The following NCOA6 variants were observed in gnomAD, a reference collection of about 807,000 sequenced individuals.
NCOA6 encodes NRC RAP250.
In NCOA6, 49 loss-of-function variants were observed where a neutral mutation model predicts 171.4. The observed-to-expected ratio is 0.29, with a 90% CI of 0.23 to 0.36. NCOA6 has a LOEUF of 0.36. Among genes scored for constraint, NCOA6 ranks in the 10% least tolerant of loss-of-function variants. The probability of loss-of-function intolerance (pLI) is 1.00; values close to 1 mark genes in which losing one functional copy is unlikely to be tolerated. For missense variants in NCOA6, 2,248 were observed against 2,554.5 expected (o/e 0.88, Z 2.59); for synonymous variants, 910 against 927.5 (o/e 0.98, Z 0.34).
In NCOA6 at chr20:34,741,103, A is replaced by G; in HGVS notation, c.5153T>C (p.Leu1718Pro). 1 of 1,614,224 alleles carries G rather than the reference A, an allele frequency of 6.2e-7. No individual in the cohort carries two copies. Among genetic ancestry groups the G allele is most frequent in the South Asian group, 1.1e-5 (1 of 91,086 alleles). ...FSSAPVPPNA[L>P]SSSPAPNIQT... ...GATGTTTGGAGCAGGACTACTGGAGAGGGCATTAGGCGGTACAGGAGCAGA... is the reference window on the plus strand; with the variant it reads ...GATGTTTGGAGCAGGACTACTGGAGGGGGCATTAGGCGGTACAGGAGCAGA... The change falls in exon 11 of 15, where the codon CTC becomes CCC. Residue 1718 changes from leucine (L) to proline (P), a missense_variant. By Grantham distance (98) the Leu-to-Pro change is moderately conservative. Transcript: ENST00000359003.
intron 1 of NCOA6, among the ~76,000 whole-genome samples, chr20:34,800,486 A>G (rs1429341541): frequency 6.6e-6 from 1 of 152,174 alleles, no homozygotes; most frequent in Non-Finnish European, 1.5e-5. Context: ...TGACTACAAG[A>G]AACACACTTC....
intron 1 of NCOA6, among the ~76,000 whole-genome samples, chr20:34,814,748 C>T (rs1283465142): frequency 4.6e-5 from 7 of 152,104 alleles, no homozygotes; most frequent in South Asian, 2.1e-4. Flanking sequence ...CACGCCACCA[C>T]GCCAGGCTAA....
At position 34,727,390 on chromosome 20, in the gene NCOA6, A is replaced by C. The variant is rs745781089; in HGVS notation, c.6017T>G (p.Ile2006Arg). ...VSGQSSEPKEIVEKSKIPGRR... is the reference protein window; with the variant it reads ...VSGQSSEPKERVEKSKIPGRR... ...GCCTGGGATTTTGGACTTTTCAACT[A>C]TCTCTTTGGGCTCACTGCTGACAGA... The change falls in exon 14 of 15, where the codon ATA (isoleucine) becomes AGA (arginine). Residue 2006 changes from isoleucine to arginine, a missense_variant. By Grantham distance (97) the Ile-to-Arg change is moderately conservative. Transcript: ENST00000359003. 27 of 1,613,648 alleles carry C rather than the reference A, an allele frequency of 1.7e-5. No individual in the cohort carries two copies. Among genetic ancestry groups the C allele is most frequent in the Non-Finnish European group, 2.2e-5 (26 of 1,180,038 alleles).
chr20:34,777,309 C>T (rs1200573232), intron 3 of NCOA6, among the ~76,000 whole-genome samples: 6 of 151,778 alleles, frequency 4.0e-5, no homozygotes, highest in Admixed American at 1.3e-4. Context: ...GGTGAAGATA[C>T]GGAGAAATAG....
At chr20:34,736,797 C>A (rs1266740190) in intron 11 of NCOA6, 39 bp from the exon 12 acceptor site, 5 of 1,542,884 alleles carry the variant, frequency 3.2e-6, no homozygotes, top group South Asian at 1.2e-5. Flanking sequence ...CTTTTACTTT[C>A]TTTTCTAAAC....
chr20:34,767,572 A>C (rs1255121075), intron 5 of NCOA6, among the ~76,000 whole-genome samples: 1 of 152,176 alleles, frequency 6.6e-6, no homozygotes, highest in East Asian at 1.9e-4. Context: ...CTGAGACTAC[A>C]GGCATGACCA....
intron 1 of NCOA6, among the ~76,000 whole-genome samples, chr20:34,800,152 T>C (rs2078210714): frequency 6.6e-6 from 1 of 152,136 alleles, no homozygotes; most frequent in Admixed American, 6.5e-5. Context: ...ATCAGTGTTG[T>C]TATCAGTTTA....
intron 2 of NCOA6, among the ~76,000 whole-genome samples, chr20:34,787,097 C>T (rs190580848): frequency 1.3e-5 from 2 of 150,894 alleles, no homozygotes; most frequent in African/African-American, 4.9e-5. Context: ...TATCCAGGGC[C>T]CACAAGAAAC....
At chr20:34,779,004 C>T (rs559122600) in intron 3 of NCOA6, among the ~76,000 whole-genome samples, 84 of 148,950 alleles carry the variant, frequency 5.6e-4, no homozygotes, top group African/African-American at 2.0e-3. Flanking sequence ...AGACTTAGGG[C>T]GACACATGGT....
At chr20:34,786,894 C>T (rs2077699513) in intron 2 of NCOA6, among the ~76,000 whole-genome samples, 1 of 152,028 alleles carries the variant, frequency 6.6e-6, no homozygotes. Context: ...CTAGGCAATA[C>T]CATTCAGGAC....
At chr20:34,822,401 G>A (rs1045960641) in intron 1 of NCOA6, among the ~76,000 whole-genome samples, 1 of 152,048 alleles carries the variant, frequency 6.6e-6, no homozygotes, top group Non-Finnish European at 1.5e-5. Context: ...CCCTGAAAAC[G>A]TGTCTTTACC....
Position 34,782,324 on chromosome 20 carries a change from T to C in NCOA6, c.32A>G (p.Asp11Gly). The change falls in exon 3 of 15, where the codon GAC (aspartate) becomes GGC (glycine). Residue 11 changes from aspartate (D) to glycine (G), a missense_variant. By Grantham distance (94) the Asp-to-Gly change is moderately conservative. This residue lies in a region of NCOA6 where 987 missense variants were observed against 1,104.7 expected (regional missense o/e 0.89). Transcript: ENST00000359003. MVLDDLPNLE[D>G]IYTSLCSSTM... ...TGATGAACACAAGGAAGTATAGATG[T>C]CTTCTAAGTTTGGAAGGTCATCCAA... 6.2e-7 allele frequency: 1 copy of C among 1,606,186 alleles called. No individual in the cohort carries two copies. Among genetic ancestry groups the C allele is most frequent in the Non-Finnish European group, 8.5e-7 (1 of 1,176,372 alleles).
At position 34,776,448 on chromosome 20, in the gene NCOA6, T is replaced by C. The variant is rs1405260931; in HGVS notation, c.236A>G (p.Glu79Gly). 4 of 1,613,232 alleles carry C rather than the reference T, an allele frequency of 2.5e-6. No individual in the cohort carries two copies. Among genetic ancestry groups the C allele is most frequent in the Non-Finnish European group, 3.4e-6 (4 of 1,179,788 alleles). The change falls in exon 4 of 15, where the codon GAG (glutamate) becomes GGG (glycine). Residue 79 changes from glutamate (E) to glycine (G), a missense_variant and splice_region_variant. Transcript: ENST00000359003. The part of the protein sequence containing the change: ...LKNVPNLLHM[E>G]SSKLKVQKVE... ...CTTCTGTACTTTTAGCTTGCTGGAC[T>C]CTTGATTGTGAAAGAAAAAGAATTA...
Position 34,740,389 on chromosome 20 carries a change from G to C in NCOA6, c.5867C>G (p.Ser1956Cys), listed in dbSNP as rs1301004998. Residue 1956 changes from serine (S) to cysteine (C), a missense_variant, in exon 11 of 15, where the codon TCC (serine) becomes TGC (cysteine). By Grantham distance (112) the Ser-to-Cys change is moderately radical. Coordinates refer to ENST00000359003, the MANE Select transcript of NCOA6 (RefSeq NM_014071.5). ...TATGCTGGGTAGAAGTTCTGGATGGGATCCCACCTTCTCCTCCACTAGGCC... is the reference window on the plus strand; with the variant it reads ...TATGCTGGGTAGAAGTTCTGGATGGCATCCCACCTTCTCCTCCACTAGGCC... ...AGGLVEEKVG[S>C]HPELLPSIAP... is the part of the protein sequence containing the mutation. 5.6e-6 allele frequency: 9 copies of C among 1,614,132 alleles called. No individual in the cohort carries two copies. The highest frequency in any genetic ancestry group is 7.6e-6 in the Non-Finnish European group (9 of 1,180,002).
intron 14 of NCOA6, among the ~76,000 whole-genome samples, chr20:34,719,775 A>C (rs1989087611): frequency 6.6e-6 from 1 of 152,220 alleles, no homozygotes; most frequent in Non-Finnish European, 1.5e-5. Context: ...ACAAACAAAA[A>C]CATTCTGGAA....
intron 13 of NCOA6, among the ~76,000 whole-genome samples, chr20:34,728,114 A>C (rs1467112696): frequency 1.3e-5 from 2 of 152,196 alleles, no homozygotes; most frequent in African/African-American, 2.4e-5. Flanking sequence ...AATGGTCTTT[A>C]AGATGTCTGA....
chr20:34,756,222 G>C (rs554601626), intron 7 of NCOA6, among the ~76,000 whole-genome samples: 1 of 152,310 alleles, frequency 6.6e-6, no homozygotes, highest in Non-Finnish European at 1.5e-5. Flanking sequence ...CCAGAACAGT[G>C]AAATTTGGAG....
chr20:34,822,213 TC>T (rs2079028187), intron 1 of NCOA6, among the ~76,000 whole-genome samples: 1 of 152,022 alleles, frequency 6.6e-6, no homozygotes, highest in African/African-American at 2.4e-5. Context: ...AAATTAAACC[TC>T]CACCACATAC....
In NCOA6 at chr20:34,715,369, T is replaced by G. The variant is rs971889300; in HGVS notation, c.6149-4A>C. Reference sequence around the variant, plus strand: ...GATTGCACCGCACTGGTTATGTCTGTGGGGGAAAGAAAGGACATGTTCAGT... The same window carrying G: ...GATTGCACCGCACTGGTTATGTCTGGGGGGGAAAGAAAGGACATGTTCAGT... On this transcript the variant is annotated splice_region_variant and splice_polypyrimidine_tract_variant and intron_variant, in intron 14 of 14. Coordinates refer to ENST00000359003, the MANE Select transcript of NCOA6 (RefSeq NM_014071.5). 4 of 1,610,766 alleles carry G rather than the reference T, an allele frequency of 2.5e-6. No homozygotes were observed. Among genetic ancestry groups the G allele is most frequent in the Admixed American group, 3.3e-5 (2 of 59,992 alleles).
Sources: gnomAD v4.1 joint callset for allele counts (sites outside exome capture counted in the v4.1 genomes callset) on GRCh38, gnomAD v4.1.1 for gene constraint, gnomAD v4.1.1 regional missense constraint, MANE v1.5 for transcripts, NCBI Gene and HGNC (gene_info 2026-07-23, HGNC 2026-07-21) for gene names.